ACOXL: variants seen among roughly 807,000 people sequenced by gnomAD.
ACOXL encodes acyl-coenzyme A oxidase-like protein.
In ACOXL, 70 loss-of-function variants were observed where a neutral mutation model predicts 71.9. The observed-to-expected ratio is 0.97, with a 90% confidence interval of 0.80 to 1.19. ACOXL has a LOEUF of 1.19. Ranked by LOEUF, ACOXL falls within the 50% of genes most tolerant of loss-of-function variation. The pLI is 0.00. For synonymous variants in ACOXL, 253 were observed against 281.6 expected (o/e 0.90, Z 1.02); for missense variants, 703 against 736.3 (o/e 0.95, Z 0.52).
At chr2:110,739,357 T>C (rs1677231736) in intron 1 of ACOXL, among the ~76,000 whole-genome samples, 1 of 152,200 alleles carries the variant, frequency 6.6e-6, no homozygotes, top group African/African-American at 2.4e-5. Context: ...CAGATCCTAA[T>C]CCTCCTTCCT....
chr2:110,963,540 G>A (rs1186210433), intron 12 of ACOXL: 2 of 1,539,804 alleles, frequency 1.3e-6, no homozygotes, highest in Non-Finnish European at 8.8e-7. Flanking sequence ...TGAGTCCTAT[G>A]TAGTGATGGG....
chr2:110,972,151 T>C (rs770066554), intron 12 of ACOXL, among the ~76,000 whole-genome samples: 1 of 152,160 alleles, frequency 6.6e-6, no homozygotes, highest in Non-Finnish European at 1.5e-5. Flanking sequence ...CTCTGAACCA[T>C]GAACAGCAGG....
At chr2:110,950,908 G>T (rs2061310226) in intron 12 of ACOXL, among the ~76,000 whole-genome samples, 1 of 151,940 alleles carries the variant, frequency 6.6e-6, no homozygotes, top group Non-Finnish European at 1.5e-5. Context: ...ATCTGTGCTA[G>T]AGGGTCTCTC....
intron 10 of ACOXL, among the ~76,000 whole-genome samples, chr2:110,876,407 G>A (rs929736719): frequency 7.9e-5 from 12 of 152,288 alleles, no homozygotes; most frequent in Non-Finnish European, 1.5e-4. Flanking sequence ...TCAGCAGACT[G>A]GGTCAGAGAG....
At chr2:111,007,815 A>G (rs1002733918) in intron 14 of ACOXL, among the ~76,000 whole-genome samples, 1 of 152,248 alleles carries the variant, frequency 6.6e-6, no homozygotes, top group Non-Finnish European at 1.5e-5. Context: ...TTGCACACAG[A>G]TCTGTATGCA....
rs760054930 is a variant in ACOXL at position 110,987,142 on chromosome 2, A to G, written c.1094A>G (p.Lys365Arg). 4 of 1,576,408 alleles carry G rather than the reference A, an allele frequency of 2.5e-6. No homozygotes were observed. The highest frequency in any genetic ancestry group is 3.5e-6 in the Non-Finnish European group (4 of 1,157,948). Residue 365 changes from lysine to arginine, a missense_variant, in exon 13 of 18, where the codon AAA becomes AGA. Coordinates refer to ENST00000439055, the MANE Select transcript of ACOXL (RefSeq NM_001142807.4). ...VGRELLAQYT[K>R]QYEEKPLFGL... ...CGGGAACTGCTGGCCCAATACACCA[A>G]ACAGTATGAAGAAAAACCACTCTTT...
At chr2:110,764,397 GA>G (rs1485420678) in intron 1 of ACOXL, among the ~76,000 whole-genome samples, 1 of 152,122 alleles carries the variant, frequency 6.6e-6, no homozygotes, top group Non-Finnish European at 1.5e-5. Flanking sequence ...CTAAGTGAAA[GA>G]AGACAATTCA....
chr2:111,092,612 G>A (rs1438650088), intron 16 of ACOXL, among the ~76,000 whole-genome samples: 1 of 152,058 alleles, frequency 6.6e-6, no homozygotes, highest in African/African-American at 2.4e-5. Flanking sequence ...TTGAGTTTTG[G>A]GGAAGGATAT....
At chr2:110,814,007 G>C (rs543728975) in intron 9 of ACOXL, among the ~76,000 whole-genome samples, 2 of 152,156 alleles carry the variant, frequency 1.3e-5, no homozygotes, top group African/African-American at 4.8e-5. Context: ...TGCTGGAGTG[G>C]CTTTGTAGTC....
At chr2:110,961,535 CGGAA>C (rs2061699039) in intron 12 of ACOXL, among the ~76,000 whole-genome samples, 1 of 152,070 alleles carries the variant, frequency 6.6e-6, no homozygotes, top group African/African-American at 2.4e-5. Context: ...TCTCCTCCAC[CGGAA>C]AAGAGGAGAG....
intron 1 of ACOXL, among the ~76,000 whole-genome samples, chr2:110,756,275 C>T (rs1679692005): frequency 2.0e-5 from 3 of 152,052 alleles, no homozygotes; most frequent in Admixed American, 6.6e-5. Context: ...TACAGGTGCC[C>T]GACACCACGC....
intron 11 of ACOXL, among the ~76,000 whole-genome samples, chr2:110,915,705 G>A (rs1305815916): frequency 4.0e-5 from 6 of 151,878 alleles, no homozygotes; most frequent in African/African-American, 9.7e-5. Context: ...TGGGATTACA[G>A]GCGTGAGCCA....
chr2:110,804,567 G>A (rs971868391), intron 8 of ACOXL, among the ~76,000 whole-genome samples: 1 of 152,108 alleles, frequency 6.6e-6, no homozygotes, highest in Non-Finnish European at 1.5e-5. Context: ...ATAGCAAAAA[G>A]GGGAAGATAA....
At chr2:110,923,746 C>T (rs192946615) in intron 11 of ACOXL, among the ~76,000 whole-genome samples, 213 of 152,128 alleles carry the variant, frequency 1.4e-3, no homozygotes, top group African/African-American at 5.0e-3. Flanking sequence ...CCAGCCTGGC[C>T]AACATGGTGA....
chr2:110,952,074 A>G (rs1460617264), intron 12 of ACOXL, among the ~76,000 whole-genome samples: 1 of 152,194 alleles, frequency 6.6e-6, no homozygotes, highest in Non-Finnish European at 1.5e-5. Flanking sequence ...TTCCTTGACT[A>G]TTTGGTACAA....
intron 2 of ACOXL, 100 bp downstream of exon 2, chr2:110,768,564 A>G: frequency 9.1e-7 from 1 of 1,095,836 alleles, no homozygotes; most frequent in Non-Finnish European, 1.3e-6. Flanking sequence ...CTTTTATTTT[A>G]TGTTTAGAGG....
intron 8 of ACOXL, among the ~76,000 whole-genome samples, chr2:110,802,039 T>G (rs1350723124): frequency 6.6e-6 from 1 of 152,222 alleles, no homozygotes; most frequent in African/African-American, 2.4e-5. Flanking sequence ...CACTTCTAGA[T>G]TCTATGTTCA....
At chr2:110,790,463 C>A (rs1396346155) in intron 3 of ACOXL, among the ~76,000 whole-genome samples, 1 of 152,134 alleles carries the variant, frequency 6.6e-6, no homozygotes, top group African/African-American at 2.4e-5. Flanking sequence ...ATCATTACCT[C>A]GTGTGCTCGA....
chr2:110,892,881 A>T (rs1427437465), intron 10 of ACOXL, among the ~76,000 whole-genome samples: 1 of 152,188 alleles, frequency 6.6e-6, no homozygotes, highest in African/African-American at 2.4e-5. Flanking sequence ...GCAGGTATAA[A>T]CAGGAGCCTG....
Sources: allele counts gnomAD v4.1 joint callset (sites outside exome capture counted in the v4.1 genomes callset), GRCh38; gene constraint gnomAD v4.1.1; transcripts MANE v1.5; gene names NCBI Gene and HGNC (gene_info 2026-07-23, HGNC 2026-07-21).